Variants in THEMIS observed in about 807,000 individuals in gnomAD.
The protein encoded by THEMIS is thymocyte selection associated.
THEMIS carries 37 observed loss-of-function variants against 52.6 expected under a neutral mutation model. The observed-to-expected ratio is 0.70, with a 90% CI of 0.54 to 0.93. The LOEUF is 0.93. THEMIS is among the 40% of genes least tolerant of loss of function. THEMIS has a pLI of 0.00. For missense variants in THEMIS, 808 were observed against 763.1 expected, an observed-to-expected ratio of 1.06 and a Z score of -0.69; for synonymous variants, 292 against 272.7, an observed-to-expected ratio of 1.07 and a Z score of -0.70.
At chr6:127,706,586 A>T (rs557906321), downstream of THEMIS, among the ~76,000 whole-genome samples, 19 of 152,308 alleles carry the variant, frequency 1.2e-4, no homozygotes, top group South Asian at 3.9e-3. Flanking sequence ...CAGGGGGTTT[A>T]CAGTCTAGTG....
chr6:127,748,436 A>C lies in THEMIS; in HGVS notation c.1759-28613T>G, dbSNP rs113402014. On this transcript the variant is annotated intron_variant, in intron 4 of 5. Coordinates refer to ENST00000368248, the MANE Select transcript of THEMIS (RefSeq NM_001010923.3). ...TTTATAACAATCCACTCTCACTGCA[A>C]CTAATCCAGTCCCATGAGATCAAGA... Among the ~76,000 whole-genome samples, 348 of 152,180 alleles carry C rather than the reference A, an allele frequency of 2.3e-3. 2 individuals are homozygous for C. Among genetic ancestry groups the C allele is most frequent in the Non-Finnish European group, 2.8e-3 (192 of 67,992 alleles).
chr6:127,786,311 G>A (rs1410726317), intron 4 of THEMIS, among the ~76,000 whole-genome samples: 1 of 152,138 alleles, frequency 6.6e-6, no homozygotes, highest in Non-Finnish European at 1.5e-5. Flanking sequence ...TCAGGGAATA[G>A]TCTGTGTAAT....
intron 4 of THEMIS, among the ~76,000 whole-genome samples, chr6:127,795,495 A>C (rs1777299115): frequency 6.6e-6 from 1 of 151,906 alleles, no homozygotes; most frequent in South Asian, 2.1e-4. Flanking sequence ...CACCCGGCTA[A>C]TTTTTTGTAT....
rs969254790 is a variant in THEMIS, at chr6:127,840,577, T to A, written c.251-10643A>T. On this transcript the variant is annotated intron_variant, in intron 2 of 5. Coordinates refer to ENST00000368248, the MANE Select transcript of THEMIS (RefSeq NM_001010923.3). ...TTCTACAACATGCATGTGTTACTTG[T>A]AAAACAGAAAAATAAATACATCTTA... Among the ~76,000 whole-genome samples the A allele has an allele frequency of 2.0e-5, 3 of 152,134 alleles. No homozygotes were observed. The East Asian group carries it at 5.8e-4, about 29-fold the overall frequency.
intron 1 of THEMIS, among the ~76,000 whole-genome samples, chr6:127,865,811 C>T (rs537967887): frequency 5.0e-4 from 76 of 152,176 alleles, no homozygotes; most frequent in Admixed American, 7.9e-4. Flanking sequence ...TGTGTGTATG[C>T]ATGTGTGTTT....
intron 2 of THEMIS, among the ~76,000 whole-genome samples, chr6:127,838,451 A>G (rs1429592127): frequency 6.6e-6 from 1 of 152,046 alleles, no homozygotes; most frequent in Non-Finnish European, 1.5e-5. Context: ...TTTCCATTTC[A>G]GTGACATTTA....
Position 127,733,342 on chromosome 6 carries a change from G to A in THEMIS, c.1759-13519C>T, listed in dbSNP as rs375457816. 1.1e-4 allele frequency among the ~76,000 whole-genome samples: 16 copies of A among 152,024 alleles called. No homozygotes were observed. In the East Asian group the frequency reaches 1.2e-3, roughly 11 times the overall value. ...TGTTGTTTCTAGTGATCTTTAATCCGCAGGTTGTTTTCAGTAATTCTAAAA... is the reference window on the plus strand; with the variant it reads ...TGTTGTTTCTAGTGATCTTTAATCCACAGGTTGTTTTCAGTAATTCTAAAA... On this transcript the variant is annotated intron_variant, in intron 4 of 5. Transcript: ENST00000368248.
At chr6:127,727,014 C>A (rs1583203695) in intron 4 of THEMIS, among the ~76,000 whole-genome samples, 1 of 152,256 alleles carries the variant, frequency 6.6e-6, no homozygotes, top group East Asian at 1.9e-4. Context: ...AAGATGTCAG[C>A]CTTGTCACTC....
At chr6:127,850,886 T>A (rs1779399295) in intron 2 of THEMIS, among the ~76,000 whole-genome samples, 1 of 151,196 alleles carries the variant, frequency 6.6e-6, no homozygotes, top group Non-Finnish European at 1.5e-5. Flanking sequence ...TCTATGGAAA[T>A]AATAATAATA....
At chr6:127,816,963 G>A (rs2114619432) in intron 3 of THEMIS, among the ~76,000 whole-genome samples, 1 of 152,200 alleles carries the variant, frequency 6.6e-6, no homozygotes, top group South Asian at 2.1e-4. Context: ...CTTCAAGTCT[G>A]CTTAAATATC....
chr6:127,736,270 C>T (rs1161980538), intron 4 of THEMIS, among the ~76,000 whole-genome samples: 1 of 151,952 alleles, frequency 6.6e-6, no homozygotes, highest in African/African-American at 2.4e-5. Flanking sequence ...AGTGGAGAGA[C>T]AAATTTATAC....
intron 1 of THEMIS, among the ~76,000 whole-genome samples, chr6:127,856,001 C>T (rs1779606738): frequency 6.6e-6 from 1 of 151,994 alleles, no homozygotes. Context: ...AACTATATCT[C>T]TGGCATATTA....
At chr6:127,899,902 T>TA (rs1275698455) in intron 1 of THEMIS, among the ~76,000 whole-genome samples, 1 of 98,012 alleles carries the variant, frequency 1.0e-5, no homozygotes, top group Non-Finnish European at 2.3e-5. Flanking sequence ...GTGTGTATAT[T>TA]TTATATATAT....
intron 4 of THEMIS, among the ~76,000 whole-genome samples, chr6:127,763,788 G>A (rs1180005492): frequency 1.3e-5 from 2 of 151,768 alleles, no homozygotes; most frequent in Non-Finnish European, 2.9e-5. Flanking sequence ...ATTTTACATT[G>A]ATTACATGTA....
chr6:127,701,068 A>C, the THEMIS span, among the ~76,000 whole-genome samples: 1 of 152,084 alleles, frequency 6.6e-6, no homozygotes, highest in African/African-American at 2.4e-5. Flanking sequence ...TTCATTAATC[A>C]AAACCTATGT....
chr6:127,789,929 G>A (rs1583280826), intron 4 of THEMIS, among the ~76,000 whole-genome samples: 1 of 152,298 alleles, frequency 6.6e-6, no homozygotes, highest in African/African-American at 2.4e-5. Context: ...CATATTGCAT[G>A]GGCAAAAGCT....
At chr6:127,764,131 T>C (rs1397332724) in intron 4 of THEMIS, among the ~76,000 whole-genome samples, 1 of 151,986 alleles carries the variant, frequency 6.6e-6, no homozygotes, top group Non-Finnish European at 1.5e-5. Flanking sequence ...GAAGGCTTTA[T>C]GATTGGCAAT....
chr6:127,711,158 C>T (rs1773969193), intron 5 of THEMIS, among the ~76,000 whole-genome samples: 2 of 151,542 alleles, frequency 1.3e-5, no homozygotes, highest in African/African-American at 4.8e-5. Context: ...CTTTAGGTTA[C>T]TAACCTTTAT....
At chr6:127,869,364 G>C (rs1780086281) in intron 1 of THEMIS, among the ~76,000 whole-genome samples, 1 of 152,176 alleles carries the variant, frequency 6.6e-6, no homozygotes, top group African/African-American at 2.4e-5. Context: ...GTGCACTATA[G>C]AGTATCAGTT....
Sources: allele counts gnomAD v4.1 joint callset (sites outside exome capture counted in the v4.1 genomes callset), GRCh38; gene constraint gnomAD v4.1.1; transcripts MANE v1.5; gene names NCBI Gene and HGNC (gene_info 2026-07-23, HGNC 2026-07-21).